AKAP19: variants seen among roughly 807,000 people sequenced by gnomAD.
AKAP19 encodes A-kinase anchoring protein 19, also known as small A-kinase anchoring protein.
the AKAP19 span, among the ~76,000 whole-genome samples, chr2:189,892,609 C>T: frequency 1.1e-4 from 16 of 152,312 alleles, no homozygotes; most frequent in African/African-American, 3.4e-4. Flanking sequence ...CTGGAAGCTT[C>T]GTCCCAGATG....
At chr2:189,888,926 C>CCTTT in the AKAP19 span, among the ~76,000 whole-genome samples, 1 of 152,040 alleles carries the variant, frequency 6.6e-6, no homozygotes, top group Non-Finnish European at 1.5e-5. Flanking sequence ...ATTTGAATAC[C>CCTTT]CTTTCTTTCT....
the AKAP19 span, among the ~76,000 whole-genome samples, chr2:190,051,822 T>A: frequency 6.0e-5 from 9 of 149,548 alleles, no homozygotes; most frequent in African/African-American, 1.3e-4. Flanking sequence ...TTTTTTTATT[T>A]TTTATTTATT....
At chr2:190,202,465 GAT>G in the AKAP19 span, 7 of 167,016 alleles carry the variant, frequency 4.2e-5, no homozygotes, top group Non-Finnish European at 7.3e-5. Context: ...GAATAAGAGA[GAT>G]GAATAAACAA....
At chr2:189,992,762 A>AT in the AKAP19 span, among the ~76,000 whole-genome samples, 666 of 150,652 alleles carry the variant, frequency 4.4e-3, 6 homozygotes, top group African/African-American at 0.015. Flanking sequence ...ATTCCTAAGT[A>AT]TTTTTTTTTA....
chr2:190,030,082 G>A, the AKAP19 span, among the ~76,000 whole-genome samples: 1 of 152,262 alleles, frequency 6.6e-6, no homozygotes, highest in East Asian at 1.9e-4. Context: ...CTGAGATCTT[G>A]CATGTTATAT....
chr2:189,915,307 A>T, the AKAP19 span, among the ~76,000 whole-genome samples: 1 of 152,164 alleles, frequency 6.6e-6, no homozygotes, highest in African/African-American at 2.4e-5. Flanking sequence ...GAGCAGCATG[A>T]TGTAGTTTTT....
the AKAP19 span, among the ~76,000 whole-genome samples, chr2:189,883,819 A>T: frequency 6.6e-6 from 1 of 152,142 alleles, no homozygotes; most frequent in Non-Finnish European, 1.5e-5. Flanking sequence ...CTTGCCCTCT[A>T]GAGGAAACAA....
chr2:190,151,208 AT>A, the AKAP19 span, among the ~76,000 whole-genome samples: 1 of 151,984 alleles, frequency 6.6e-6, no homozygotes, highest in African/African-American at 2.4e-5. Context: ...TGCTATCCAG[AT>A]TTTTTTTAAA....
At chr2:190,136,698 C>T in the AKAP19 span, among the ~76,000 whole-genome samples, 1 of 151,796 alleles carries the variant, frequency 6.6e-6, no homozygotes, top group African/African-American at 2.4e-5. Context: ...ATAGTTTCTC[C>T]CACCACTCTG....
the AKAP19 span, among the ~76,000 whole-genome samples, chr2:190,186,422 T>A: frequency 6.6e-6 from 1 of 152,116 alleles, no homozygotes; most frequent in Non-Finnish European, 1.5e-5. The surrounding 1 kb of genome is among the most constrained non-coding windows in gnomAD (Gnocchi z 5.5). Flanking sequence ...CCACATGGAG[T>A]CATCCTGAGC....
chr2:190,175,000 T>TTAGAG, the AKAP19 span, among the ~76,000 whole-genome samples: 4 of 65,178 alleles, frequency 6.1e-5, no homozygotes, highest in Admixed American at 1.5e-4. Context: ...GATACATAGA[T>TTAGAG]TACATGGAGT....
chr2:190,050,067 A>C, the AKAP19 span, among the ~76,000 whole-genome samples: 1 of 152,266 alleles, frequency 6.6e-6, no homozygotes, highest in South Asian at 2.1e-4. Flanking sequence ...AAATAAAGCA[A>C]GGTTTATTTG....
chr2:190,180,487 T>A, the AKAP19 span: 2 of 985,584 alleles, frequency 2.0e-6, no homozygotes, highest in Non-Finnish European at 2.4e-6. The surrounding 1 kb of genome is among the most constrained non-coding windows in gnomAD (Gnocchi z 6.8). Context: ...CTTACTTTCA[T>A]TGACCTCTGC....
At chr2:189,969,297 G>A in the AKAP19 span, among the ~76,000 whole-genome samples, 1 of 152,218 alleles carries the variant, frequency 6.6e-6, no homozygotes, top group South Asian at 2.1e-4. Flanking sequence ...TGAGATGACT[G>A]CCTCTATGAA....
the AKAP19 span, among the ~76,000 whole-genome samples, chr2:190,045,948 A>G: frequency 2.6e-5 from 4 of 152,182 alleles, no homozygotes; most frequent in African/African-American, 9.7e-5. Flanking sequence ...GAGTGGGTTC[A>G]CAAGATCTCC....
chr2:189,917,902 T>A, the AKAP19 span: 1 of 152,368 alleles, frequency 6.6e-6, no homozygotes, highest in Non-Finnish European at 1.5e-5. Context: ...TGCTTTCCTA[T>A]GGGTCATGTC....
chr2:190,026,953 A>G, the AKAP19 span, among the ~76,000 whole-genome samples: 2 of 152,344 alleles, frequency 1.3e-5, no homozygotes, highest in Admixed American at 1.3e-4. Flanking sequence ...TAAGTTTTAA[A>G]AAGTAGGATA....
the AKAP19 span, among the ~76,000 whole-genome samples, chr2:190,152,675 G>A: frequency 6.6e-6 from 1 of 152,088 alleles, no homozygotes; most frequent in African/African-American, 2.4e-5. Context: ...AAGAAAATCT[G>A]TATTTTTTGT....
At chr2:189,944,902 A>G in the AKAP19 span, among the ~76,000 whole-genome samples, 1 of 152,174 alleles carries the variant, frequency 6.6e-6, no homozygotes, top group Non-Finnish European at 1.5e-5. Context: ...ATCTTTTCTG[A>G]CCACCATGGA....
Sources: gnomAD v4.1 joint callset for allele counts (sites outside exome capture counted in the v4.1 genomes callset) on GRCh38, gnomAD v4.1.1 for gene constraint, Gnocchi (gnomAD v3.1) non-coding constraint, MANE v1.5 for transcripts, NCBI Gene and HGNC (gene_info 2026-07-23, HGNC 2026-07-21) for gene names.